PAXIP1: variants seen among roughly 807,000 people sequenced by gnomAD.
PAXIP1 encodes PAX interacting protein 1, also known as PAX-interacting protein 1.
In PAXIP1, 19 loss-of-function variants were observed where a neutral mutation model predicts 140.6. The ratio of observed to expected loss-of-function variants is 0.14; its 90% CI spans 0.09 to 0.20. The LOEUF (loss-of-function observed/expected upper bound fraction) is 0.20. Ranked by LOEUF, PAXIP1 falls within the 10% of genes least tolerant of loss-of-function variation. The pLI, the probability that PAXIP1 is intolerant of heterozygous loss-of-function variation, is 1.00. For missense variants in PAXIP1, 920 were observed against 1,208.6 expected (o/e 0.76, Z 3.54); for synonymous variants, 442 against 444.6 (o/e 0.99, Z 0.07).
chr7:154,990,949 C>T, intron 4 of PAXIP1, 57 bp downstream of exon 4: 1 of 1,058,896 alleles, frequency 9.4e-7, no homozygotes, highest in South Asian at 1.5e-5. Context: ...TCCAACCATA[C>T]AAAAACTCAG....
chr7:155,000,254 G>T (rs1306041392), intron 1 of PAXIP1: 2 of 152,236 alleles, frequency 1.3e-5, no homozygotes, highest in African/African-American at 2.4e-5. Context: ...TCAATATTTA[G>T]TAAGTGAAAA....
intron 17 of PAXIP1, chr7:154,947,109 T>C: frequency 4.1e-6 from 1 of 243,326 alleles, no homozygotes; most frequent in Non-Finnish European, 8.0e-6. Flanking sequence ...TACAAATATT[T>C]TTCACAATTT....
intron 5 of PAXIP1, among the ~76,000 whole-genome samples, chr7:154,981,060 G>A (rs920586023): frequency 6.6e-6 from 1 of 152,124 alleles, no homozygotes; most frequent in Admixed American, 6.5e-5. Context: ...GATGGAGGAT[G>A]CAGTGAGCTG....
In PAXIP1 at chr7:154,968,556, T is replaced by G; in HGVS notation, c.1645A>C (p.Met549Leu). Residue 549 changes from methionine to leucine, a missense_variant, in exon 7 of 21, where the codon ATG (methionine) becomes CTG (leucine). Met to Leu is a conservative substitution (Grantham distance 15). Around this residue, in one of 5 missense-constraint regions of PAXIP1, gnomAD observed 133 missense variants for 88.4 expected, o/e 1.50. Transcript: ENST00000404141. The part of the protein sequence containing the change: ...RMHQQQQQQQ[M>L]QSQTAPHLSQ... ...AAGTGTGGCGCTGTCTGACTTTGCA[T>G]CTGCTGCTGCTGCTGCTGCTGGTGC... 1 of 726,730 alleles carries G rather than the reference T, an allele frequency of 1.4e-6. No homozygotes were observed. Among genetic ancestry groups the G allele is most frequent in the Non-Finnish European group, 2.5e-6 (1 of 394,734 alleles). 45.0% of individuals were successfully genotyped at this position (726,730 alleles called of 1,614,324 possible). A position where few individuals can be genotyped will look rare whatever the true frequency, so the allele number is the denominator to read the frequency against.
chr7:154,967,967 A>G, intron 7 of PAXIP1, 57 bp from the exon 8 acceptor site: 2 of 1,115,424 alleles, frequency 1.8e-6, no homozygotes, highest in Non-Finnish European at 2.6e-6. Flanking sequence ...ATGCTTGCAC[A>G]AAAGTTAAAA....
intron 8 of PAXIP1, chr7:154,967,483 G>A (rs1809075349): frequency 9.9e-6 from 2 of 202,296 alleles, no homozygotes; most frequent in African/African-American, 4.6e-5. Context: ...AGAAATGACT[G>A]AGATGCATAC....
chr7:154,975,727 T>C lies in PAXIP1; in HGVS notation c.1043A>G (p.Gln348Arg), dbSNP rs1241186180. The stretch of plus-strand genomic sequence containing the variant: ...TACATTTGATGGCCGGTTCATCTGC[T>C]GAATGTCAGCATTATTAGTAATATT... ...LRNITNNADI[Q>R]QMNRPSNVAH... The change falls in exon 6 of 21, where the codon CAG becomes CGG. Residue 348 changes from glutamine to arginine, a missense_variant. Gln to Arg is a conservative substitution (Grantham distance 43). This residue lies in a region of PAXIP1 where 419 missense variants were observed against 514.7 expected (regional missense o/e 0.81). Coordinates refer to ENST00000404141, the MANE Select transcript of PAXIP1 (RefSeq NM_007349.4). 6.2e-7 allele frequency: 1 copy of C among 1,612,948 alleles called. No individual in the cohort carries two copies. Among genetic ancestry groups the C allele is most frequent in the Non-Finnish European group, 8.5e-7 (1 of 1,179,166 alleles).
chr7:154,962,515 GAA>G, intron 9 of PAXIP1, 57 bp from the exon 10 acceptor site: 1 of 1,523,646 alleles, frequency 6.6e-7, no homozygotes, highest in Non-Finnish European at 8.9e-7. Flanking sequence ...CAGGATTAAA[GAA>G]AATTCTAAGG....
At position 154,968,880 on chromosome 7, in the gene PAXIP1, G is replaced by C. The variant is rs915765500; in HGVS notation, c.1321C>G (p.Pro441Ala). The C allele has an allele frequency of 1.0e-6, 1 of 985,292 alleles. No individual in the cohort carries two copies. The highest frequency in any genetic ancestry group is 1.6e-6 in the Non-Finnish European group (1 of 630,496). 61.0% of individuals were successfully genotyped at this position (985,292 alleles called of 1,614,324 possible). Reference protein sequence around the residue: ...QQQQISQQPYPQQPPHPFSQQ... With the variant: ...QQQQISQQPYAQQPPHPFSQQ... ...GAAAATGGATGCGGCGGCTGCTGGG[G>C]GTAAGGTTGCTGAGAGATCTGCTGC... is the stretch of plus-strand genomic sequence containing the variant. Residue 441 changes from proline to alanine, a missense_variant, in exon 7 of 21, where the codon CCC becomes GCC. Physicochemically the swap from Pro to Ala is conservative, Grantham distance 27. Coordinates refer to ENST00000404141, the MANE Select transcript of PAXIP1 (RefSeq NM_007349.4).
intron 4 of PAXIP1, 88 bp from the exon 5 acceptor site, chr7:154,983,420 TCTGTTTCTCC>T: frequency 1.5e-6 from 1 of 670,308 alleles, no homozygotes; most frequent in South Asian, 1.9e-5. Flanking sequence ...CTGCAACAAT[TCTGTTTCTCC>T]CTTAATAAAA....
chr7:154,952,693 A>G (rs964879691), intron 16 of PAXIP1, among the ~76,000 whole-genome samples: 7 of 152,200 alleles, frequency 4.6e-5, no homozygotes, highest in African/African-American at 1.7e-4. Flanking sequence ...TGTAGTGAAC[A>G]GAGGCGCTCA....
chr7:154,999,891 C>G (rs1284777792), intron 1 of PAXIP1, among the ~76,000 whole-genome samples: 1 of 152,126 alleles, frequency 6.6e-6, no homozygotes, highest in Admixed American at 6.5e-5. Context: ...GCAGACACAG[C>G]AACTGATACT....
At position 154,968,881 on chromosome 7, in the gene PAXIP1, G is replaced by T; in HGVS notation, c.1320C>A (p.Tyr440Ter). The change falls in exon 7 of 21, where the codon TAC becomes TAA. Residue 440 changes from tyrosine to a stop codon, truncating the protein, a stop_gained. Coordinates refer to ENST00000404141, the MANE Select transcript of PAXIP1 (RefSeq NM_007349.4). LOFTEE classifies it high-confidence loss of function. ...QQQQQISQQPYPQQPPHPFSQ... is the reference protein window; with the variant it reads ...QQQQQISQQP ...AAAATGGATGCGGCGGCTGCTGGGG[G>T]TAAGGTTGCTGAGAGATCTGCTGCT... 2.0e-6 allele frequency: 2 copies of T among 994,788 alleles called. No individual in the cohort carries two copies. Among genetic ancestry groups the T allele is most frequent in the Non-Finnish European group, 3.1e-6 (2 of 640,274 alleles). The allele number at this position is 994,788 out of a possible 1,614,324, so 61.6% of individuals were successfully genotyped here. A position where few individuals can be genotyped will look rare whatever the true frequency, so the allele number is the denominator to read the frequency against.
Position 154,976,147 on chromosome 7 carries a change from G to T in PAXIP1, c.623C>A (p.Ser208Tyr). The T allele has an allele frequency of 6.3e-7, 1 of 1,580,054 alleles. No homozygotes were observed. Reference protein sequence around the residue: ...EEEVENEEQDSQNEGSTDEKS... With the variant: ...EEEVENEEQDYQNEGSTDEKS... The stretch of plus-strand genomic sequence containing the variant: ...CTCATCTGTACTACCCTCATTCTGA[G>T]AATCTTGTTCCTCATTTTCTACTTC... Residue 208 changes from serine (S) to tyrosine (Y), a missense_variant, in exon 6 of 21, where the codon TCT becomes TAT. Physicochemically the swap from Ser to Tyr is moderately radical, Grantham distance 144. Transcript: ENST00000404141.
At chr7:154,976,892 T>A (rs59007246) in intron 5 of PAXIP1, among the ~76,000 whole-genome samples, 3,239 of 152,320 alleles carry the variant, frequency 0.021, 128 homozygotes, top group African/African-American at 0.074. Context: ...AACAAGTCTC[T>A]GACCTAACAA....
At chr7:154,948,294 C>T in intron 16 of PAXIP1, 1 of 312,418 alleles carries the variant, frequency 3.2e-6, no homozygotes, top group Non-Finnish European at 6.1e-6. Context: ...GCCTGTAATT[C>T]CAGCACTTTG....
Position 154,968,452 on chromosome 7 carries a change from T to C in PAXIP1, c.1749A>G (p.Pro583=), listed in dbSNP as rs1405480504. ...PPQQQQQQQP[P]PSPQQHQLFG... ...AAAGCTGATGCTGCTGAGGCGATGG[T>C]GGTGGCTGCTGTTGCTGCTGCTGCT... The change falls in exon 7 of 21, where the codon CCA becomes CCG. Residue 583 remains proline, a synonymous_variant. Transcript: ENST00000404141. 2.7e-6 allele frequency: 4 copies of C among 1,498,040 alleles called. No homozygotes were observed. The South Asian group carries it at 4.8e-5, about 18-fold the overall frequency. The allele number at this position is 1,498,040 out of a possible 1,614,324, so 92.8% of individuals were successfully genotyped here.
intron 16 of PAXIP1, chr7:154,952,288 G>A (rs974539751): frequency 2.0e-5 from 3 of 152,086 alleles, no homozygotes; most frequent in Non-Finnish European, 2.9e-5. Flanking sequence ...GTGGCACTTC[G>A]GTGGCCATTT....
intron 16 of PAXIP1, chr7:154,950,676 A>G (rs1044837331): frequency 1.3e-5 from 2 of 152,282 alleles, no homozygotes; most frequent in African/African-American, 4.8e-5. Flanking sequence ...TAAAACCTGT[A>G]CATGGATGTT....
Sources: gnomAD v4.1 joint callset for allele counts (sites outside exome capture counted in the v4.1 genomes callset) on GRCh38, gnomAD v4.1.1 for gene constraint, gnomAD v4.1.1 regional missense constraint, MANE v1.5 for transcripts, NCBI Gene and HGNC (gene_info 2026-07-23, HGNC 2026-07-21) for gene names.